SPATA6: variants seen among roughly 807,000 people sequenced by gnomAD.
SPATA6 encodes the protein spermatogenesis associated 6.
A neutral mutation model predicts 65.3 loss-of-function variants in SPATA6; 56 were observed. The observed-to-expected ratio is 0.86, with a 90% CI of 0.69 to 1.07. The LOEUF (loss-of-function observed/expected upper bound fraction) is 1.07. Among genes scored for constraint, SPATA6 ranks in the 50% least tolerant of loss-of-function variants. The pLI is 0.00. For synonymous variants in SPATA6, 199 were observed against 213.2 expected (o/e 0.93, Z 0.58); for missense variants, 590 against 594.8 (o/e 0.99, Z 0.08).
Position 48,472,151 on chromosome 1 carries a change from A to G in SPATA6, c.-143T>C. ...GCCCCCAGGCCGGGGCCCGCGGTCC[A>G]GCCTGGGTTCCGCCGGAGAAGCAGC... is the stretch of plus-strand genomic sequence containing the variant. On this transcript the variant is annotated 5_prime_UTR_variant, in exon 1 of 13. Transcript: ENST00000371847. The G allele has an allele frequency of 1.6e-6, 1 of 621,008 alleles. No homozygotes were observed. Among genetic ancestry groups the G allele is most frequent in the Non-Finnish European group, 2.6e-6 (1 of 382,210 alleles). The allele number at this position is 621,008 out of a possible 1,614,324, so 38.5% of individuals were successfully genotyped here. A position where few individuals can be genotyped will look rare whatever the true frequency, so the allele number is the denominator to read the frequency against.
At chr1:48,270,208 C>T in the SPATA6 span, among the ~76,000 whole-genome samples, 12 of 152,078 alleles carry the variant, frequency 7.9e-5, no homozygotes, top group Admixed American at 4.6e-4. Context: ...CCCATGAACT[C>T]TCAGGTCAGT....
the SPATA6 span, among the ~76,000 whole-genome samples, chr1:48,277,643 G>A: frequency 3.3e-5 from 5 of 152,270 alleles, no homozygotes; most frequent in Admixed American, 1.3e-4. Flanking sequence ...ACCCGCCATT[G>A]CGCAGGCTTG....
intron 11 of SPATA6, among the ~76,000 whole-genome samples, chr1:48,322,409 A>C (rs1444862088): frequency 6.6e-6 from 1 of 152,148 alleles, no homozygotes; most frequent in Non-Finnish European, 1.5e-5. Context: ...ACCTTATATA[A>C]AAATTAGCTC....
chr1:48,274,392 G>A, the SPATA6 span, among the ~76,000 whole-genome samples: 1 of 152,114 alleles, frequency 6.6e-6, no homozygotes, highest in African/African-American at 2.4e-5. Flanking sequence ...TGCTTTTGGG[G>A]TTTTAGTCAT....
intron 9 of SPATA6, among the ~76,000 whole-genome samples, chr1:48,366,606 A>G (rs1647023805): frequency 6.6e-6 from 1 of 152,020 alleles, no homozygotes; most frequent in African/African-American, 2.4e-5. Flanking sequence ...GTATTCTCTG[A>G]TGGTAGTTTG....
At chr1:48,464,190 T>C (rs548505961) in intron 1 of SPATA6, among the ~76,000 whole-genome samples, 2 of 152,238 alleles carry the variant, frequency 1.3e-5, no homozygotes, top group South Asian at 4.1e-4. Context: ...TTTGGTCTAA[T>C]GATGGTGAGA....
Position 48,403,880 on chromosome 1 carries a change from T to C in SPATA6, c.408A>G (p.Gly136=). The part of the protein sequence containing the change: ...VTMRRISGLR[G]NAPRLEFSTT... ...TAGAAAATTCCAGCCTTGGAGCATTTCCCTGAGAAGAAAAAAGAGGGTATT... is the reference window on the plus strand; with the variant it reads ...TAGAAAATTCCAGCCTTGGAGCATTCCCCTGAGAAGAAAAAAGAGGGTATT... Residue 136 remains glycine, a splice_region_variant and synonymous_variant, in exon 6 of 13, where the codon GGA becomes GGG. Transcript: ENST00000371847. 2 of 1,606,290 alleles carry C rather than the reference T, an allele frequency of 1.2e-6. No individual in the cohort carries two copies. The highest frequency in any genetic ancestry group is 1.7e-6 in the Non-Finnish European group (2 of 1,176,516).
chr1:48,304,544 A>G (rs140338973), intron 12 of SPATA6, among the ~76,000 whole-genome samples: 16 of 152,206 alleles, frequency 1.1e-4, no homozygotes, highest in Admixed American at 7.2e-4. Context: ...GGGTCTTGCT[A>G]TGTTGCCCAG....
chr1:48,314,524 TG>T (rs1645339503), intron 11 of SPATA6, among the ~76,000 whole-genome samples: 2 of 152,210 alleles, frequency 1.3e-5, no homozygotes, highest in South Asian at 4.1e-4. Flanking sequence ...CCAGAATCTC[TG>T]GGACACATTT....
At chr1:48,273,266 T>C in the SPATA6 span, among the ~76,000 whole-genome samples, 1 of 152,170 alleles carries the variant, frequency 6.6e-6, no homozygotes, top group Non-Finnish European at 1.5e-5. Flanking sequence ...AGTCAATCCA[T>C]TTTGAGTTGA....
intron 9 of SPATA6, among the ~76,000 whole-genome samples, chr1:48,366,248 A>C (rs1647006834): frequency 6.6e-6 from 1 of 152,082 alleles, no homozygotes; most frequent in Non-Finnish European, 1.5e-5. Context: ...TATTGGTCTA[A>C]AATTCTCTTT....
chr1:48,311,316 C>A (rs1405736382), intron 11 of SPATA6, among the ~76,000 whole-genome samples: 4 of 151,884 alleles, frequency 2.6e-5, no homozygotes, highest in Non-Finnish European at 4.4e-5. Context: ...TTAGTTAGAC[C>A]AAGGCTCTAA....
At chr1:48,366,604 T>C (rs1647023656) in intron 9 of SPATA6, among the ~76,000 whole-genome samples, 1 of 152,224 alleles carries the variant, frequency 6.6e-6, no homozygotes, top group East Asian at 1.9e-4. Flanking sequence ...TAGTATTCTC[T>C]GATGGTAGTT....
intron 3 of SPATA6, among the ~76,000 whole-genome samples, chr1:48,450,820 G>C (rs1323570927): frequency 6.6e-6 from 1 of 152,122 alleles, no homozygotes; most frequent in African/African-American, 2.4e-5. Context: ...GGGCCAGCAG[G>C]GGAGGCCAAA....
At chr1:48,411,336 C>T in intron 5 of SPATA6, 128 bp downstream of exon 5, 1 of 1,083,282 alleles carries the variant, frequency 9.2e-7, no homozygotes, top group Non-Finnish European at 1.2e-6. Flanking sequence ...ATTTAAACTA[C>T]AAAACAATTA....
In SPATA6 at chr1:48,331,450, G is replaced by A. The variant is rs536212177; in HGVS notation, c.1194+24220C>T. On this transcript the variant is annotated intron_variant, in intron 11 of 12. Coordinates refer to ENST00000371847, the MANE Select transcript of SPATA6 (RefSeq NM_019073.4). ...TCATATATCACAAGTATTAACAGCAGACCAAGCTGATGAAAGAATCTAAGG... is the reference window on the plus strand; with the variant it reads ...TCATATATCACAAGTATTAACAGCAAACCAAGCTGATGAAAGAATCTAAGG... 2.0e-5 allele frequency among the ~76,000 whole-genome samples: 3 copies of A among 150,500 alleles called. No individual in the cohort carries two copies. In the South Asian group the frequency reaches 6.3e-4, roughly 32 times the overall value.
intron 11 of SPATA6, among the ~76,000 whole-genome samples, chr1:48,322,739 C>A (rs535994546): frequency 3.3e-5 from 5 of 152,126 alleles, no homozygotes; most frequent in Non-Finnish European, 5.9e-5. Flanking sequence ...AAACAAACAA[C>A]CCCATCAAAA....
At chr1:48,319,006 A>T (rs1444011195) in intron 11 of SPATA6, among the ~76,000 whole-genome samples, 3 of 152,200 alleles carry the variant, frequency 2.0e-5, no homozygotes, top group Admixed American at 6.5e-5. Flanking sequence ...ATGCCAAGAC[A>T]ATTCAATGGG....
intron 11 of SPATA6, among the ~76,000 whole-genome samples, chr1:48,334,984 C>T (rs973079729): frequency 2.0e-5 from 3 of 152,116 alleles, no homozygotes; most frequent in Non-Finnish European, 4.4e-5. Flanking sequence ...TTCCTATTCA[C>T]TAACAGCACC....
Sources: allele counts gnomAD v4.1 joint callset (sites outside exome capture counted in the v4.1 genomes callset), GRCh38; gene constraint gnomAD v4.1.1; transcripts MANE v1.5; gene names NCBI Gene and HGNC (gene_info 2026-07-23, HGNC 2026-07-21).